FGF13: variants seen among roughly 807,000 people sequenced by gnomAD.
The protein encoded by FGF13 is fibroblast growth factor 13.
Under a neutral mutation model 19.5 loss-of-function variants are expected in FGF13, and 2 were observed. The ratio of observed to expected loss-of-function variants is 0.10; its 90% confidence interval spans 0.04 to 0.32. FGF13 has a LOEUF of 0.32. FGF13 is among the 10% of genes least tolerant of loss of function. The pLI is 1.00. For missense variants in FGF13, 113 were observed against 192.7 expected (o/e 0.59, Z 2.45); for synonymous variants, 72 against 76.9 (o/e 0.94, Z 0.33).
rs182072457 is a variant in FGF13, at chrX:138,687,841, C to A, written c.402+15143G>T. Among the ~76,000 whole-genome samples the A allele has an allele frequency of 7.2e-5, 8 of 111,804 alleles. No individual in the cohort carries two copies. In the East Asian group the frequency reaches 2.2e-3, roughly 31 times the overall value. ...GCCACAAAAAAGAATAAAATCATGT[C>A]ATTTGCAGCAACCTGGATGGAACTG... On this transcript the variant is annotated intron_variant, in intron 3 of 4. Coordinates refer to ENST00000315930, the MANE Select transcript of FGF13 (RefSeq NM_004114.5).
chrX:139,164,949 T>C (rs946734850), intron 1 of FGF13, among the ~76,000 whole-genome samples: 4 of 110,695 alleles, frequency 3.6e-5, no homozygotes, highest in East Asian at 2.8e-4. Flanking sequence ...AAACCCTAGA[T>C]TGCTGTGAAT....
chrX:138,858,262 C>T (rs2091269796), intron 2 of FGF13, among the ~76,000 whole-genome samples: 1 of 111,509 alleles, frequency 9.0e-6, no homozygotes, highest in Non-Finnish European at 1.9e-5. Flanking sequence ...TGAGAGCCTA[C>T]GAAACAACGC....
At position 139,003,675 on chromosome X, in the gene FGF13, G is replaced by C. The variant is rs757278339; in HGVS notation, c.-112-139025C>G. On this transcript the variant is annotated intron_variant, in intron 1 of 2. Coordinates refer to the FGF13 transcript ENST00000421460. ...GGCCTCACCAGAGCAGCTAGATACA[G>C]AGTGTCGATTGGTGCATTCACAAAC... Among the ~76,000 whole-genome samples, 341 of 111,423 alleles carry C rather than the reference G, an allele frequency of 3.1e-3. 1 individual carries two copies. In the Middle Eastern group the frequency reaches 0.033, roughly 11 times the overall value.
In FGF13 at chrX:139,182,912, T is replaced by C. The variant is rs997900819; in HGVS notation, c.-113+20504A>G. Among the ~76,000 whole-genome samples, 9 of 111,809 alleles carry C rather than the reference T, an allele frequency of 8.0e-5. No homozygotes were observed. The Admixed American group carries it at 8.6e-4, about 11-fold the overall frequency. On this transcript the variant is annotated intron_variant, in intron 1 of 2. Coordinates refer to the FGF13 transcript ENST00000421460. ...GCTTAGTGGGTGCTTAATGTTACTA[T>C]TCTCACTGTAGCGTTTCACAAAACT...
chrX:138,853,620 CGTGTGTGTGTGTGTGTGTGTGTGTGT>C (rs34651876), downstream of FGF13, among the ~76,000 whole-genome samples: 1 of 99,901 alleles, frequency 1.0e-5, no homozygotes, highest in Non-Finnish European at 2.0e-5. Context: ...TGTGCGTGTG[CGTGTGTGTGTGTGTGTGTGTGTGTGT>C]GTGTAATCAC....
chrX:138,697,339 G>C (rs1269785835), intron 3 of FGF13, among the ~76,000 whole-genome samples: 1 of 110,780 alleles, frequency 9.0e-6, no homozygotes, highest in East Asian at 2.8e-4. Flanking sequence ...ATCCAGTAGA[G>C]AAGAAAAATA....
intron 3 of FGF13, among the ~76,000 whole-genome samples, chrX:138,761,479 G>C (rs1216106800): frequency 9.0e-6 from 1 of 111,623 alleles, no homozygotes; most frequent in Non-Finnish European, 1.9e-5. Context: ...AGATAGGTAA[G>C]GAGCCATGCT....
intron 1 of FGF13, among the ~76,000 whole-genome samples, chrX:138,950,056 A>T (rs1308483342): frequency 8.9e-6 from 1 of 112,089 alleles, no homozygotes; most frequent in East Asian, 2.8e-4. Context: ...ATGGAAATGT[A>T]TGGAGCAAGT....
intron 3 of FGF13, among the ~76,000 whole-genome samples, chrX:138,702,304 C>T (rs1235475662): frequency 8.9e-6 from 1 of 112,023 alleles, no homozygotes; most frequent in Non-Finnish European, 1.9e-5. Context: ...AATACTGTAT[C>T]ATTTTGCTTA....
chrX:138,711,565 C>T lies in FGF13; in HGVS notation c.-562G>A, dbSNP rs929107503. 3.4e-5 allele frequency: 26 copies of T among 755,513 alleles called. No homozygotes were observed. The highest frequency in any genetic ancestry group is 3.9e-5 in the Non-Finnish European group (25 of 639,727). 62.3% of individuals were successfully genotyped at this position (755,513 alleles called of 1,213,427 possible). A position where few individuals can be genotyped will look rare whatever the true frequency, so the allele number is the denominator to read the frequency against. ...TCGACTAGTCCTTGCAACTTCTTGG[C>T]GTGATAATCGGGAAAAGTTGGCCCG... On this transcript the variant is annotated 5_prime_UTR_variant, in exon 1 of 5. Transcript: ENST00000315930.
chrX:138,918,983 A>G (rs753584559), intron 1 of FGF13, among the ~76,000 whole-genome samples: 1 of 111,739 alleles, frequency 8.9e-6, no homozygotes, highest in South Asian at 3.8e-4. Context: ...AGATCAGCAG[A>G]AGTATTAATA....
chrX:139,012,651 A>C (rs2092134069), intron 1 of FGF13, among the ~76,000 whole-genome samples: 1 of 111,909 alleles, frequency 8.9e-6, no homozygotes, highest in African/African-American at 3.2e-5. Flanking sequence ...CCACATATAG[A>C]CAAATGAAAC....
chrX:138,719,248 GT>G (rs962585556), intron 1 of FGF13, among the ~76,000 whole-genome samples: 7 of 110,438 alleles, frequency 6.3e-5, no homozygotes, highest in African/African-American at 1.3e-4. Context: ...TTTCTAATCA[GT>G]TTTTTTTTCT....
chrX:138,742,276 T>C (rs946914841), upstream of FGF13, among the ~76,000 whole-genome samples: 1 of 112,216 alleles, frequency 8.9e-6, no homozygotes, highest in African/African-American at 3.2e-5. Context: ...AGAAGGTGAA[T>C]ACACTAGATG....
chrX:138,770,400 T>C (rs1315905522), intron 3 of FGF13, among the ~76,000 whole-genome samples: 1 of 110,795 alleles, frequency 9.0e-6, no homozygotes, highest in Non-Finnish European at 1.9e-5. Flanking sequence ...TCTCTGTGAA[T>C]TTGCTGGTGC....
At chrX:139,136,822 C>T (rs1026637329) in intron 1 of FGF13, among the ~76,000 whole-genome samples, 1 of 111,376 alleles carries the variant, frequency 9.0e-6, no homozygotes, top group Admixed American at 9.6e-5. Flanking sequence ...TGTCAAAAAC[C>T]CCAGAGGAAA....
chrX:138,959,058 T>G (rs142591111), intron 1 of FGF13, among the ~76,000 whole-genome samples: 1 of 111,850 alleles, frequency 8.9e-6, no homozygotes, highest in Non-Finnish European at 1.9e-5. Flanking sequence ...TCTTGCCTTC[T>G]GCTAGCTTTT....
intron 1 of FGF13, among the ~76,000 whole-genome samples, chrX:139,100,279 G>A (rs910700359): frequency 9.0e-6 from 1 of 110,676 alleles, no homozygotes; most frequent in Non-Finnish European, 1.9e-5. Flanking sequence ...TTAAGGAGGC[G>A]AGGTAAAGCT....
intron 1 of FGF13, among the ~76,000 whole-genome samples, chrX:139,098,124 G>A (rs1020257702): frequency 5.4e-5 from 6 of 111,607 alleles, no homozygotes; most frequent in Admixed American, 1.9e-4. Context: ...TATTTCAGGC[G>A]AGGGAGAAAA....
Sources: gnomAD v4.1 joint callset for allele counts (sites outside exome capture counted in the v4.1 genomes callset) on GRCh38, gnomAD v4.1.1 for gene constraint, MANE v1.5 for transcripts, NCBI Gene and HGNC (gene_info 2026-07-23, HGNC 2026-07-21) for gene names.